Variants in CNTN4 observed in about 807,000 individuals in gnomAD.
CNTN4 encodes the protein contactin-4.
CNTN4 carries 77 observed loss-of-function variants against 122.5 expected under a neutral mutation model. The ratio of observed to expected loss-of-function variants is 0.63; its 90% CI spans 0.52 to 0.76. The LOEUF (loss-of-function observed/expected upper bound fraction) is 0.76, where lower values mean the gene tolerates loss of function less well. Among genes scored for constraint, CNTN4 ranks in the 30% least tolerant of loss-of-function variants. CNTN4 has a pLI of 0.00. For missense variants in CNTN4, 1,256 were observed against 1,259.1 expected (o/e 1.00, Z 0.04); for synonymous variants, 512 against 447.0 (o/e 1.15, Z -1.83).
chr3:3,048,522 G>C (rs1030047208), intron 23 of CNTN4, among the ~76,000 whole-genome samples: 115 of 149,792 alleles, frequency 7.7e-4, no homozygotes, highest in African/African-American at 2.5e-3. Context: ...CTCTCTGTGT[G>C]TGTGTGTGTG....
chr3:2,675,995 T>A, intron 4 of CNTN4, among the ~76,000 whole-genome samples: 1 of 152,222 alleles, frequency 6.6e-6, no homozygotes, highest in South Asian at 2.1e-4. Context: ...AACTCTAAGT[T>A]CCATTTTAAA....
intron 13 of CNTN4, among the ~76,000 whole-genome samples, chr3:2,948,009 A>G (rs1276161265): frequency 6.6e-6 from 1 of 152,184 alleles, no homozygotes; most frequent in Non-Finnish European, 1.5e-5. Context: ...AAAAACTCAT[A>G]CGAGGGAAAT....
intron 4 of CNTN4, among the ~76,000 whole-genome samples, chr3:2,717,380 C>T (rs1295556561): frequency 1.3e-5 from 2 of 152,074 alleles, no homozygotes; most frequent in Admixed American, 6.6e-5. Flanking sequence ...GTGAAAACCC[C>T]GGGTACTAGT....
chr3:2,553,153 C>T (rs2078583109), intron 3 of CNTN4, among the ~76,000 whole-genome samples: 2 of 152,220 alleles, frequency 1.3e-5, no homozygotes, highest in Non-Finnish European at 2.9e-5. Flanking sequence ...GTTTAGGAAC[C>T]ATGTTTTGAA....
At chr3:2,923,763 TTA>T (rs2094449370) in intron 12 of CNTN4, among the ~76,000 whole-genome samples, 2 of 152,218 alleles carry the variant, frequency 1.3e-5, no homozygotes, top group Admixed American at 1.3e-4. Context: ...TGAATTTAAC[TTA>T]TCTTTTTAAT....
At chr3:3,041,495 A>T (rs1700160995) in intron 20 of CNTN4, among the ~76,000 whole-genome samples, 1 of 152,222 alleles carries the variant, frequency 6.6e-6, no homozygotes, top group Admixed American at 6.5e-5. Context: ...TTCACACTGC[A>T]ATCTGTATGA....
At chr3:2,983,723 T>C (rs968483294) in intron 13 of CNTN4, among the ~76,000 whole-genome samples, 1 of 152,224 alleles carries the variant, frequency 6.6e-6, no homozygotes, top group African/African-American at 2.4e-5. Flanking sequence ...AGTAGAAGCA[T>C]GATTTGAGCC....
intron 3 of CNTN4, among the ~76,000 whole-genome samples, chr3:2,390,617 G>A (rs1439936312): frequency 2.6e-5 from 4 of 152,082 alleles, no homozygotes; most frequent in Admixed American, 1.3e-4. Flanking sequence ...TCCACTTTTA[G>A]AATAACATAC....
chr3:2,481,481 A>T (rs191509328), intron 3 of CNTN4, among the ~76,000 whole-genome samples: 2 of 152,270 alleles, frequency 1.3e-5, no homozygotes, highest in East Asian at 3.9e-4. Flanking sequence ...ACAACTGAAC[A>T]TCAACATGTA....
intron 8 of CNTN4, among the ~76,000 whole-genome samples, chr3:2,870,250 G>A (rs191487186): frequency 2.6e-5 from 4 of 152,282 alleles, no homozygotes; most frequent in Admixed American, 6.5e-5. Flanking sequence ...TCATAGAGAT[G>A]ACAAATGTTT....
chr3:2,968,293 A>T (rs570480896), intron 13 of CNTN4, among the ~76,000 whole-genome samples: 2 of 152,260 alleles, frequency 1.3e-5, no homozygotes, highest in South Asian at 2.1e-4. Context: ...TCTGCTTTGG[A>T]TGTATGCCTA....
chr3:2,444,285 C>T (rs9878978), intron 3 of CNTN4, among the ~76,000 whole-genome samples: 43,021 of 149,868 alleles, frequency 0.29, 6,521 homozygotes, highest in Non-Finnish European at 0.35. Flanking sequence ...GAAGATAAAA[C>T]GAGGCAGAGT....
At chr3:2,233,659 A>G (rs1020103721) in intron 2 of CNTN4, among the ~76,000 whole-genome samples, 1 of 152,044 alleles carries the variant, frequency 6.6e-6, no homozygotes, top group Non-Finnish European at 1.5e-5. Context: ...CTCACCCCCA[A>G]TTGAACCGTT....
At chr3:2,332,061 C>T (rs2043749952) in intron 2 of CNTN4, among the ~76,000 whole-genome samples, 1 of 152,148 alleles carries the variant, frequency 6.6e-6, no homozygotes, top group Non-Finnish European at 1.5e-5. Flanking sequence ...AACCTGGTGC[C>T]ATCCCCTTTA....
intron 2 of CNTN4, among the ~76,000 whole-genome samples, chr3:2,327,982 T>C (rs555267092): frequency 6.6e-6 from 1 of 152,286 alleles, no homozygotes; most frequent in East Asian, 1.9e-4. Context: ...AGTCCTGACT[T>C]ATACCCAGAG....
intron 4 of CNTN4, among the ~76,000 whole-genome samples, chr3:2,609,268 G>A (rs921233063): frequency 1.3e-5 from 2 of 152,160 alleles, no homozygotes; most frequent in Non-Finnish European, 2.9e-5. Flanking sequence ...TAGCACCTTA[G>A]AAAGGGGCTG....
At chr3:2,287,466 G>A (rs2041942887) in intron 2 of CNTN4, among the ~76,000 whole-genome samples, 1 of 151,764 alleles carries the variant, frequency 6.6e-6, no homozygotes, top group Non-Finnish European at 1.5e-5. Context: ...GCAGGGCATG[G>A]TGGTGCACAC....
chr3:2,827,769 G>C (rs533494811), intron 7 of CNTN4, among the ~76,000 whole-genome samples: 3 of 152,252 alleles, frequency 2.0e-5, no homozygotes, highest in Admixed American at 6.5e-5. Flanking sequence ...TACAGTATGT[G>C]CCCGGACTTC....
chr3:2,394,965 T>C (rs2046588312), intron 3 of CNTN4, among the ~76,000 whole-genome samples: 1 of 151,956 alleles, frequency 6.6e-6, no homozygotes, highest in African/African-American at 2.4e-5. Flanking sequence ...TTTTGTATTT[T>C]CGGTAGACAC....
Sources: gnomAD v4.1 joint callset for allele counts (sites outside exome capture counted in the v4.1 genomes callset) on GRCh38, gnomAD v4.1.1 for gene constraint, MANE v1.5 for transcripts, NCBI Gene and HGNC (gene_info 2026-07-23, HGNC 2026-07-21) for gene names.